PRR29: variants seen among roughly 807,000 people sequenced by gnomAD.
The protein encoded by PRR29 is proline-rich protein 29.
PRR29 carries 20 observed loss-of-function variants against 25.1 expected under a neutral mutation model. The ratio of observed to expected loss-of-function variants is 0.80; its 90% CI spans 0.56 to 1.16. PRR29 has a LOEUF of 1.16. PRR29 is among the 50% of genes most tolerant of loss of function. PRR29 has a pLI of 0.00. For synonymous variants in PRR29, 108 were observed against 102.6 expected, an observed-to-expected ratio of 1.05 and a Z score of -0.32; for missense variants, 238 against 246.6, an observed-to-expected ratio of 0.97 and a Z score of 0.23.
chr17:63,998,415 A>G lies in PRR29; in HGVS notation c.51A>G (p.Ala17=). ...GGGGTCGCTCCCCACCGCAGAGCGC[A>G]GTCCCGACGGTGAGGGCTGAGCCCG... ...GSWGRSPPQS[A]VPTPWVTFLQ... Residue 17 remains alanine (A), a synonymous_variant, in exon 1 of 6, where the codon GCA becomes GCG. Coordinates refer to ENST00000412177, the MANE Select transcript of PRR29 (RefSeq NM_001164257.2). 6.7e-7 allele frequency: 1 copy of G among 1,497,742 alleles called. No homozygotes were observed. Among genetic ancestry groups the G allele is most frequent in the South Asian group, 1.3e-5 (1 of 79,004 alleles). 92.8% of individuals were successfully genotyped at this position (1,497,742 alleles called of 1,614,324 possible). A position where few individuals can be genotyped will look rare whatever the true frequency, so the allele number is the denominator to read the frequency against.
Position 64,001,811 on chromosome 17 carries a change from G to T in PRR29, c.*50G>T, listed in dbSNP as rs766296879. On this transcript the variant is annotated 3_prime_UTR_variant, in exon 6 of 6. Transcript: ENST00000412177. ...GCACCAGCTTCCTGCTCTGGATACA[G>T]CCCCGGAGCCGCCTCCTGCACCTCT... 2.0e-5 allele frequency: 31 copies of T among 1,536,944 alleles called. No homozygotes were observed. Among genetic ancestry groups the T allele is most frequent in the Non-Finnish European group, 2.5e-5 (29 of 1,146,876 alleles).
chr17:64,001,994 C>A lies in PRR29; in HGVS notation c.*233C>A. The A allele has an allele frequency of 6.5e-7, 1 of 1,531,874 alleles. No individual in the cohort carries two copies. Among genetic ancestry groups the A allele is most frequent in the Admixed American group, 2.0e-5 (1 of 50,902 alleles). The allele number at this position is 1,531,874 out of a possible 1,614,324, so 94.9% of individuals were successfully genotyped here. A position where few individuals can be genotyped will look rare whatever the true frequency, so the allele number is the denominator to read the frequency against. On this transcript the variant is annotated 3_prime_UTR_variant, in exon 6 of 6. Coordinates refer to ENST00000412177, the MANE Select transcript of PRR29 (RefSeq NM_001164257.2). The stretch of plus-strand genomic sequence containing the variant: ...TGTGTAAGAGCTCCCTAGAGCACCA[C>A]CCAGGCCCTTGAAGCCACGTCAGCC...
intron 2 of PRR29, 31 bp downstream of exon 2, chr17:63,998,813 C>CCCCCCCCCCCCCCCCCCCCCCCCCT: frequency 9.0e-7 from 1 of 1,111,246 alleles, no homozygotes; most frequent in Non-Finnish European, 1.3e-6. Context: ...CACCCCACCC[C>CCCCCCCCCCCCCCCCCCCCCCCCCT]CACCATCACC....
At position 64,003,681 on chromosome 17, in the gene PRR29, A is replaced by G; in HGVS notation, c.*1920A>G. ...ACATCTTCGGGGCTGAGTGTTTGTG[A>G]AAGATGTTGCCACCGCGAGACATCA... On this transcript the variant is annotated 3_prime_UTR_variant, in exon 6 of 6. Transcript: ENST00000412177. The G allele has an allele frequency of 6.2e-7, 1 of 1,614,122 alleles. No individual in the cohort carries two copies. Among genetic ancestry groups the G allele is most frequent in the Non-Finnish European group, 8.5e-7 (1 of 1,180,022 alleles).
At chr17:64,000,705 T>C (rs1910611673) in intron 3 of PRR29, among the ~76,000 whole-genome samples, 2 of 150,050 alleles carry the variant, frequency 1.3e-5, no homozygotes, top group Non-Finnish European at 3.0e-5. Flanking sequence ...CAGGCTGGAG[T>C]GCAGTAGCTC....
Position 64,003,947 on chromosome 17 carries a change from T to G in PRR29, c.*2186T>G. The stretch of plus-strand genomic sequence containing the variant: ...ACCAAAGTGGGTTGCAGTGTCAGGA[T>G]GACCTGCCTTGGAGGCTCTGCAGGG... On this transcript the variant is annotated 3_prime_UTR_variant, in exon 6 of 6. Transcript: ENST00000412177. The G allele has an allele frequency of 6.2e-7, 1 of 1,612,686 alleles. No homozygotes were observed. The highest frequency in any genetic ancestry group is 8.5e-7 in the Non-Finnish European group (1 of 1,179,402).
chr17:63,998,978 A>G lies in PRR29; in HGVS notation c.147A>G (p.Glu49=), dbSNP rs1356960549. The G allele has an allele frequency of 9.1e-6, 14 of 1,536,124 alleles. No individual in the cohort carries two copies. The highest frequency in any genetic ancestry group is 1.2e-5 in the Non-Finnish European group (14 of 1,146,776). ...QPGRVKEDLL[E]LMMLQNAQMH... Reference sequence around the variant, plus strand: ...AACCCCGCTTCCTAGACCTGCTGGAACTGATGATGCTGCAGAACGCGCAGA... The same window carrying G: ...AACCCCGCTTCCTAGACCTGCTGGAGCTGATGATGCTGCAGAACGCGCAGA... The change falls in exon 3 of 6, where the codon GAA becomes GAG. Residue 49 remains glutamate, a synonymous_variant. Transcript: ENST00000412177.
Position 64,004,020 on chromosome 17 carries a change from C to T in PRR29, c.*2259C>T. On this transcript the variant is annotated 3_prime_UTR_variant, in exon 6 of 6. Transcript: ENST00000412177. ...AGGATGGGGGTGCAGTCCCAGCAGC[C>T]TCCCCCTGGCCAGGGCCATCTCCTG... 1.5e-6 allele frequency: 2 copies of T among 1,359,838 alleles called. No individual in the cohort carries two copies. Among genetic ancestry groups the T allele is most frequent in the South Asian group, 2.7e-5 (2 of 74,098 alleles). 84.2% of individuals were successfully genotyped at this position (1,359,838 alleles called of 1,614,324 possible).
At chr17:63,999,773 ACATG>A (rs1243520691) in intron 3 of PRR29, 1 of 146,936 alleles carries the variant, frequency 6.8e-6, no homozygotes, top group Non-Finnish European at 1.5e-5. Flanking sequence ...AAGGCTGTGT[ACATG>A]CATATGTGTG....
Position 64,002,829 on chromosome 17 carries a change from C to T in PRR29, c.*1068C>T, listed in dbSNP as rs775730950. The stretch of plus-strand genomic sequence containing the variant: ...CATCCGCTGCTGGCGCAAGTGCTGG[C>T]CGAAGATGAAGCAGAGCAGGACAGA... On this transcript the variant is annotated 3_prime_UTR_variant, in exon 6 of 6. Coordinates refer to ENST00000412177, the MANE Select transcript of PRR29 (RefSeq NM_001164257.2). 10 of 1,613,936 alleles carry T rather than the reference C, an allele frequency of 6.2e-6. No individual in the cohort carries two copies. The East Asian group carries it at 1.1e-4, about 18-fold the overall frequency.
Position 64,002,852 on chromosome 17 carries a change from A to G in PRR29, c.*1091A>G. 1 of 1,614,034 alleles carries G rather than the reference A, an allele frequency of 6.2e-7. No homozygotes were observed. Among genetic ancestry groups the G allele is most frequent in the South Asian group, 1.1e-5 (1 of 91,082 alleles). On this transcript the variant is annotated 3_prime_UTR_variant, in exon 6 of 6. Coordinates refer to ENST00000412177, the MANE Select transcript of PRR29 (RefSeq NM_001164257.2). ...GGCCGAAGATGAAGCAGAGCAGGAC[A>G]GATGTCACGAACAGGGACAGCAACA...
rs955335603 is a variant in PRR29 at position 64,003,765 on chromosome 17, G to A, written c.*2004G>A. 3 of 1,614,136 alleles carry A rather than the reference G, an allele frequency of 1.9e-6. No homozygotes were observed. Among genetic ancestry groups the A allele is most frequent in the Admixed American group, 1.7e-5 (1 of 60,014 alleles). On this transcript the variant is annotated 3_prime_UTR_variant, in exon 6 of 6. Coordinates refer to ENST00000412177, the MANE Select transcript of PRR29 (RefSeq NM_001164257.2). ...GGCCATCCTCTCTGTCAGCCGTGCTGTTGAATGTGGCTGTGGCCTCCTGCG... is the reference window on the plus strand; with the variant it reads ...GGCCATCCTCTCTGTCAGCCGTGCTATTGAATGTGGCTGTGGCCTCCTGCG...
intron 3 of PRR29, chr17:63,999,661 G>A (rs959605908): frequency 2.4e-5 from 4 of 166,474 alleles, no homozygotes; most frequent in African/African-American, 7.2e-5. Context: ...GCAGAGTCAG[G>A]AGACAGAATG....
rs767395004 is a variant in PRR29 at position 64,002,895 on chromosome 17, A to T, written c.*1134A>T. On this transcript the variant is annotated 3_prime_UTR_variant, in exon 6 of 6. Coordinates refer to ENST00000412177, the MANE Select transcript of PRR29 (RefSeq NM_001164257.2). ...CAGCAACACCGACACCACCGTGACTATGATGACCATCTGGCTGTCCGACAC... is the reference window on the plus strand; with the variant it reads ...CAGCAACACCGACACCACCGTGACTTTGATGACCATCTGGCTGTCCGACAC... 36 of 1,613,710 alleles carry T rather than the reference A, an allele frequency of 2.2e-5. No individual in the cohort carries two copies. The highest frequency in any genetic ancestry group is 2.9e-5 in the Non-Finnish European group (34 of 1,179,918).
intron 4 of PRR29, 69 bp from the exon 5 acceptor site, chr17:64,001,398 C>T: frequency 1.3e-6 from 2 of 1,485,340 alleles, no homozygotes; most frequent in Non-Finnish European, 1.8e-6. Context: ...GTGGAGATAA[C>T]TTGTGGGTGA....
In PRR29 at chr17:64,002,210, C is replaced by G. The variant is rs1455092007; in HGVS notation, c.*449C>G. 6 of 616,142 alleles carry G rather than the reference C, an allele frequency of 9.7e-6. No individual in the cohort carries two copies. The highest frequency in any genetic ancestry group is 1.7e-5 in the Non-Finnish European group (6 of 357,740). The allele number at this position is 616,142 out of a possible 1,614,324, so 38.2% of individuals were successfully genotyped here. ...GCCCCTTTGAGGTGGCTGGAGGGGC[C>G]CAGAGTGGTCGGGGAGAGACTTTGC... On this transcript the variant is annotated 3_prime_UTR_variant, in exon 6 of 6. Transcript: ENST00000412177.
chr17:64,000,706 G>A (rs1012574908), intron 3 of PRR29, among the ~76,000 whole-genome samples: 5 of 148,690 alleles, frequency 3.4e-5, no homozygotes, highest in Non-Finnish European at 7.4e-5. Flanking sequence ...AGGCTGGAGT[G>A]CAGTAGCTCG....
rs1194600388 is a variant in PRR29 at position 64,002,420 on chromosome 17, C to T, written c.*659C>T. On this transcript the variant is annotated 3_prime_UTR_variant, in exon 6 of 6. Coordinates refer to ENST00000412177, the MANE Select transcript of PRR29 (RefSeq NM_001164257.2). Reference sequence around the variant, plus strand: ...CCCCTGGGCCAGGGTGTGTTTCCCCCACCCTCCCTCAGTAGCAATGAGCTA... The same window carrying T: ...CCCCTGGGCCAGGGTGTGTTTCCCCTACCCTCCCTCAGTAGCAATGAGCTA... 2 of 416,578 alleles carry T rather than the reference C, an allele frequency of 4.8e-6. No individual in the cohort carries two copies. Among genetic ancestry groups the T allele is most frequent in the South Asian group, 3.1e-5 (1 of 31,774 alleles). The allele number at this position is 416,578 out of a possible 1,614,324, so 25.8% of individuals were successfully genotyped here.
Position 64,002,867 on chromosome 17 carries a change from G to C in PRR29, c.*1106G>C, listed in dbSNP as rs747725920. The C allele has an allele frequency of 6.2e-7, 1 of 1,613,894 alleles. No individual in the cohort carries two copies. Among genetic ancestry groups the C allele is most frequent in the African/African-American group, 1.3e-5 (1 of 75,016 alleles). ...AGAGCAGGACAGATGTCACGAACAG[G>C]GACAGCAACACCGACACCACCGTGA... On this transcript the variant is annotated 3_prime_UTR_variant, in exon 6 of 6. Transcript: ENST00000412177.
Sources: gnomAD v4.1 joint callset for allele counts (sites outside exome capture counted in the v4.1 genomes callset) on GRCh38, gnomAD v4.1.1 for gene constraint, MANE v1.5 for transcripts, NCBI Gene and HGNC (gene_info 2026-07-23, HGNC 2026-07-21) for gene names.